The following NPHS2 variants were observed in gnomAD, a reference collection of about 807,000 sequenced individuals.
NPHS2 encodes podocin.
A neutral mutation model predicts 37.1 loss-of-function variants in NPHS2; 36 were observed. The ratio of observed to expected loss-of-function variants is 0.97; its 90% CI spans 0.74 to 1.28. NPHS2 has a LOEUF of 1.28. Ranked by LOEUF, NPHS2 falls within the 50% of genes most tolerant of loss-of-function variation. The probability of loss-of-function intolerance (pLI) is 0.00; values close to 1 mark genes in which losing one functional copy is unlikely to be tolerated. For missense variants in NPHS2, 447 were observed against 488.1 expected, an observed-to-expected ratio of 0.92 and a Z score of 0.79; for synonymous variants, 196 against 189.3, an observed-to-expected ratio of 1.04 and a Z score of -0.29.
At chr1:179,562,192 A>G (rs556227476) in intron 2 of NPHS2, among the ~76,000 whole-genome samples, 10 of 152,338 alleles carry the variant, frequency 6.6e-5, no homozygotes, top group Admixed American at 1.3e-4. Context: ...AGATACTTTT[A>G]AATGACAAAA....
chr1:179,568,748 G>T (rs962505278), intron 1 of NPHS2, among the ~76,000 whole-genome samples: 3 of 152,118 alleles, frequency 2.0e-5, no homozygotes, highest in Non-Finnish European at 2.9e-5. Context: ...CTGGTATGTT[G>T]TGTCTTTGTT....
intron 7 of NPHS2, chr1:179,552,246 T>C (rs1227947816): frequency 1.7e-5 from 6 of 356,650 alleles, no homozygotes; most frequent in Non-Finnish European, 3.3e-5. Flanking sequence ...GGGATACAGT[T>C]CTAGGGGATA....
At chr1:179,575,307 G>T (rs927180095) in intron 1 of NPHS2, among the ~76,000 whole-genome samples, 1 of 152,130 alleles carries the variant, frequency 6.6e-6, no homozygotes, top group Non-Finnish European at 1.5e-5. Context: ...TGGCTCCTTT[G>T]CCAAGTTGCT....
intron 3 of NPHS2, among the ~76,000 whole-genome samples, chr1:179,561,065 C>T (rs998043290): frequency 1.3e-5 from 2 of 152,246 alleles, no homozygotes; most frequent in African/African-American, 4.8e-5. Flanking sequence ...CTTGCCCTGG[C>T]ATGTGGGCTC....
intron 1 of NPHS2, among the ~76,000 whole-genome samples, chr1:179,568,891 T>C (rs1198080411): frequency 6.6e-6 from 1 of 152,236 alleles, no homozygotes; most frequent in Non-Finnish European, 1.5e-5. Context: ...TGAGTTCTAA[T>C]TTGATTGCAC....
chr1:179,562,299 G>A (rs1352091901), intron 2 of NPHS2, among the ~76,000 whole-genome samples: 1 of 152,150 alleles, frequency 6.6e-6, no homozygotes, highest in Non-Finnish European at 1.5e-5. Context: ...CAGAATCTGA[G>A]TTCAATTGCG....
intron 2 of NPHS2, among the ~76,000 whole-genome samples, chr1:179,562,742 C>G (rs1224083315): frequency 6.6e-6 from 1 of 152,184 alleles, no homozygotes; most frequent in Non-Finnish European, 1.5e-5. Context: ...GAATGAATGA[C>G]TGTATGTGGT....
At chr1:179,557,428 C>T (rs1464473272) in intron 4 of NPHS2, among the ~76,000 whole-genome samples, 198 bp from the exon 5 acceptor site, 2 of 152,086 alleles carry the variant, frequency 1.3e-5, no homozygotes, top group Non-Finnish European at 2.9e-5. Context: ...ACAACTTAAT[C>T]CTGTGGTAAA....
At position 179,552,693 on chromosome 1, in the gene NPHS2, A is replaced by C. The variant is rs376637418; in HGVS notation, c.795-12T>G. 5.3e-5 allele frequency: 85 copies of C among 1,609,424 alleles called. No homozygotes were observed. Among genetic ancestry groups the C allele is most frequent in the Non-Finnish European group, 6.2e-5 (73 of 1,176,092 alleles). Reference sequence around the variant, plus strand: ...ACCTCACATCTTTACTGAAAAAGAAAGAATGCAGGTATGTAGGTGTGCAGC... The same window carrying C: ...ACCTCACATCTTTACTGAAAAAGAACGAATGCAGGTATGTAGGTGTGCAGC... On this transcript the variant is annotated splice_polypyrimidine_tract_variant and intron_variant, in intron 6 of 7. Transcript: ENST00000367615.
Position 179,568,410 on chromosome 1 carries a change from C to A in NPHS2, c.275-3617G>T, listed in dbSNP as rs149846663. On this transcript the variant is annotated intron_variant, in intron 1 of 7. Transcript: ENST00000367615. ...AGATAGGTGGTGATATCCTCTTTAT[C>A]ATTTTTTATTGCATCTATTTGAATC... Among the ~76,000 whole-genome samples, 616 of 152,268 alleles carry A rather than the reference C, an allele frequency of 4.0e-3. 4 individuals are homozygous for A. The highest frequency in any genetic ancestry group is 0.014 in the African/African-American group (587 of 41,566).
At chr1:179,554,555 T>C (rs1183428545) in intron 5 of NPHS2, 24 bp from the exon 6 acceptor site, 1 of 1,614,052 alleles carries the variant, frequency 6.2e-7, no homozygotes, top group Non-Finnish European at 8.5e-7. Context: ...AATTCAGATG[T>C]CAGTGGGAGC....
chr1:179,570,748 G>A (rs992774561), intron 1 of NPHS2, among the ~76,000 whole-genome samples: 1 of 152,164 alleles, frequency 6.6e-6, no homozygotes, highest in African/African-American at 2.4e-5. Context: ...TTTCTTGGAG[G>A]CTTTGTTCGT....
intron 1 of NPHS2, among the ~76,000 whole-genome samples, chr1:179,569,240 T>C (rs1674453435): frequency 6.6e-6 from 1 of 152,030 alleles, no homozygotes; most frequent in African/African-American, 2.4e-5. Flanking sequence ...TGCTCCTGTA[T>C]TGGGTGCATA....
At chr1:179,571,195 G>A (rs1048501020) in intron 1 of NPHS2, among the ~76,000 whole-genome samples, 1 of 152,218 alleles carries the variant, frequency 6.6e-6, no homozygotes, top group Non-Finnish European at 1.5e-5. Flanking sequence ...CCCCATCTTT[G>A]TGGTTTTATC....
intron 1 of NPHS2, among the ~76,000 whole-genome samples, chr1:179,565,539 GCTTTA>G (rs979078546): frequency 3.9e-5 from 6 of 152,088 alleles, no homozygotes; most frequent in Admixed American, 3.9e-4. Context: ...AAAGCACTGA[GCTTTA>G]CTTTACATGT....
intron 1 of NPHS2, among the ~76,000 whole-genome samples, chr1:179,565,958 A>G (rs957471784): frequency 1.1e-4 from 16 of 152,070 alleles, no homozygotes; most frequent in African/African-American, 3.9e-4. Flanking sequence ...CATTTTCTTA[A>G]TCCAGTCTAT....
intron 1 of NPHS2, among the ~76,000 whole-genome samples, chr1:179,573,226 T>C (rs1016606092): frequency 3.9e-5 from 6 of 152,284 alleles, no homozygotes; most frequent in African/African-American, 1.2e-4. Flanking sequence ...CACCACCAAA[T>C]TGATGTGCAG....
chr1:179,570,330 A>G (rs1299289188), intron 1 of NPHS2, among the ~76,000 whole-genome samples: 1 of 152,238 alleles, frequency 6.6e-6, no homozygotes, highest in Non-Finnish European at 1.5e-5. Context: ...AGATTTACCC[A>G]TGTTTTTATT....
intron 1 of NPHS2, 40 bp from the exon 2 acceptor site, chr1:179,564,833 T>G (rs368315252): frequency 1.4e-6 from 2 of 1,435,666 alleles, no homozygotes; most frequent in African/African-American, 1.4e-5. Flanking sequence ...ATATTGAAAC[T>G]TCACTGTATT....
Sources: gnomAD v4.1 joint callset for allele counts (sites outside exome capture counted in the v4.1 genomes callset) on GRCh38, gnomAD v4.1.1 for gene constraint, MANE v1.5 for transcripts, NCBI Gene and HGNC (gene_info 2026-07-23, HGNC 2026-07-21) for gene names.